Variants in PTK2B observed in about 807,000 individuals in gnomAD.
PTK2B encodes the protein protein-tyrosine kinase 2-beta.
PTK2B carries 71 observed loss-of-function variants against 142.9 expected under a neutral mutation model. The ratio of observed to expected loss-of-function variants is 0.50; its 90% CI spans 0.41 to 0.61. The LOEUF (loss-of-function observed/expected upper bound fraction) is 0.61, where lower values mean the gene tolerates loss of function less well. Ranked by LOEUF, PTK2B falls within the 20% of genes least tolerant of loss-of-function variation. The pLI is 0.00. For synonymous variants in PTK2B, 519 were observed against 503.4 expected (o/e 1.03, Z -0.42); for missense variants, 1,105 against 1,320.4 (o/e 0.84, Z 2.53).
intron 1 of PTK2B, among the ~76,000 whole-genome samples, chr8:27,349,691 T>A (rs550743119): frequency 1.1e-4 from 16 of 152,362 alleles, no homozygotes; most frequent in Admixed American, 9.8e-4. Flanking sequence ...TTCATCAATA[T>A]CCTGTACACA....
intron 2 of PTK2B, among the ~76,000 whole-genome samples, chr8:27,404,647 C>T (rs370607469): frequency 1.1e-3 from 160 of 152,298 alleles, no homozygotes; most frequent in African/African-American, 3.7e-3. Context: ...CACCACCACC[C>T]GTGTGCATTC....
At chr8:27,438,106 G>T (rs925448775) in intron 18 of PTK2B, 4 of 498,740 alleles carry the variant, frequency 8.0e-6, no homozygotes, top group Non-Finnish European at 1.5e-5. Flanking sequence ...TAACTCTGAA[G>T]TCCGAGGTGT....
At chr8:27,385,711 G>A (rs755810954) in intron 1 of PTK2B, among the ~76,000 whole-genome samples, 1 of 152,044 alleles carries the variant, frequency 6.6e-6, no homozygotes, top group Non-Finnish European at 1.5e-5. Context: ...TGGCCAACAT[G>A]GTGAAACCTC....
At chr8:27,437,997 T>C (rs1363385049) in intron 18 of PTK2B, 117 bp downstream of exon 18, 1 of 903,082 alleles carries the variant, frequency 1.1e-6, no homozygotes, top group African/African-American at 1.7e-5. Flanking sequence ...ATCCCAGCAA[T>C]TGGCCCAGCA....
At chr8:27,432,035 A>G (rs1331059672) in intron 9 of PTK2B, 6 of 469,036 alleles carry the variant, frequency 1.3e-5, no homozygotes, top group Non-Finnish European at 1.9e-5. Context: ...AGTGTATTTT[A>G]TGTGTGGTCC....
intron 14 of PTK2B, 131 bp downstream of exon 14, chr8:27,435,924 G>A (rs1810747948): frequency 3.4e-6 from 4 of 1,187,574 alleles, no homozygotes; most frequent in Non-Finnish European, 5.0e-6. Context: ...TTAGACAGTG[G>A]CAAACCTGAG....
chr8:27,431,190 C>G, intron 8 of PTK2B, 174 bp downstream of exon 8: 1 of 1,464,104 alleles, frequency 6.8e-7, no homozygotes, highest in Non-Finnish European at 9.2e-7. Flanking sequence ...CTGAAGCAGG[C>G]ACTGAAATGT....
intron 1 of PTK2B, among the ~76,000 whole-genome samples, chr8:27,394,678 T>G (rs545024478): frequency 3.8e-4 from 58 of 152,392 alleles, no homozygotes; most frequent in Middle Eastern, 3.4e-3. Flanking sequence ...TAGCTTACTG[T>G]AATGTTTTTA....
At chr8:27,327,413 T>C (rs571089011) in intron 1 of PTK2B, among the ~76,000 whole-genome samples, 1 of 152,240 alleles carries the variant, frequency 6.6e-6, no homozygotes, top group African/African-American at 2.4e-5. Flanking sequence ...CTCAATGGTT[T>C]TTTTTTTCAC....
In PTK2B at chr8:27,329,536, G is replaced by A. The variant is rs182012885; in HGVS notation, c.-38+3855G>A. Among the ~76,000 whole-genome samples, 13 of 152,282 alleles carry A rather than the reference G, an allele frequency of 8.5e-5. 2 individuals are homozygous for A. Among genetic ancestry groups the A allele is most frequent in the Admixed American group, 8.5e-4 (13 of 15,294 alleles). ...CCCTGCCTGGGACCCATATGTCTCA[G>A]GACCATGTGACCCTGGCCTCCCAGG... On this transcript the variant is annotated intron_variant, in intron 1 of 30. Coordinates refer to ENST00000346049, the MANE Select transcript of PTK2B (RefSeq NM_173176.3).
intron 30 of PTK2B, among the ~76,000 whole-genome samples, 155 bp from the exon 31 acceptor site, chr8:27,458,139 G>C (rs1025299641): frequency 2.6e-5 from 4 of 152,106 alleles, no homozygotes; most frequent in African/African-American, 9.7e-5. Flanking sequence ...GACCCTGCAC[G>C]GGGTGTTGCA....
rs745345984 is a variant in PTK2B at position 27,445,927 on chromosome 8, G to A, written c.2340+8G>A. ...AAACGCCACAGCATGCGGGTAAGAG[G>A]GCTCTGCATGCTGGTCCCTGCCCGG... On this transcript the variant is annotated splice_region_variant and intron_variant, in intron 24 of 30. Transcript: ENST00000346049. The A allele has an allele frequency of 6.2e-7, 1 of 1,612,980 alleles. No homozygotes were observed. The highest frequency in any genetic ancestry group is 1.7e-5 in the Admixed American group (1 of 60,026).
chr8:27,398,341 A>C (rs1193986573), intron 2 of PTK2B, among the ~76,000 whole-genome samples: 3 of 152,174 alleles, frequency 2.0e-5, no homozygotes, highest in African/African-American at 7.2e-5. Flanking sequence ...CCAGAATCAC[A>C]ACATCTGTTT....
chr8:27,349,662 A>C (rs776139210), intron 1 of PTK2B, among the ~76,000 whole-genome samples: 1 of 152,248 alleles, frequency 6.6e-6, no homozygotes, highest in Non-Finnish European at 1.5e-5. Flanking sequence ...AGCTGCTATA[A>C]AACTCAAAGG....
intron 30 of PTK2B, among the ~76,000 whole-genome samples, chr8:27,457,527 A>G (rs1812208619): frequency 6.6e-6 from 1 of 152,194 alleles, no homozygotes; most frequent in African/African-American, 2.4e-5. Flanking sequence ...TCTCTTATGG[A>G]TCTGGCCAAA....
chr8:27,436,978 G>A (rs1302049175), intron 15 of PTK2B, 144 bp from the exon 16 acceptor site: 2 of 744,174 alleles, frequency 2.7e-6, no homozygotes, highest in African/African-American at 3.5e-5. Context: ...AAGAGAGGAA[G>A]ACAAAGGGGA....
chr8:27,420,652 T>G lies in PTK2B; in HGVS notation c.384-5T>G, dbSNP rs1268712363. On this transcript the variant is annotated splice_polypyrimidine_tract_variant and splice_region_variant and intron_variant, in intron 3 of 30. Coordinates refer to ENST00000346049, the MANE Select transcript of PTK2B (RefSeq NM_173176.3). ...GTCAACCAGAGCCTGAATGTCTTGT[T>G]GCAGGTATGACCTTCAAATCCGCTA... 6.2e-7 allele frequency: 1 copy of G among 1,613,414 alleles called. No homozygotes were observed. Among genetic ancestry groups the G allele is most frequent in the East Asian group, 2.2e-5 (1 of 44,870 alleles).
chr8:27,382,295 A>G (rs1048390557), intron 1 of PTK2B, among the ~76,000 whole-genome samples: 3 of 152,204 alleles, frequency 2.0e-5, no homozygotes, highest in Non-Finnish European at 4.4e-5. Flanking sequence ...TGCTCATTAA[A>G]AAAAAATTAT....
At chr8:27,454,651 T>G in intron 30 of PTK2B, 40 bp downstream of exon 30, 1 of 1,594,108 alleles carries the variant, frequency 6.3e-7, no homozygotes, top group Non-Finnish European at 8.6e-7. Context: ...GGCTGTTGCT[T>G]TGCTCCTGCT....
Sources: gnomAD v4.1 joint callset for allele counts (sites outside exome capture counted in the v4.1 genomes callset) on GRCh38, gnomAD v4.1.1 for gene constraint, MANE v1.5 for transcripts, NCBI Gene and HGNC (gene_info 2026-07-23, HGNC 2026-07-21) for gene names.